The following RORA variants were observed in gnomAD, a reference collection of about 807,000 sequenced individuals.
The protein encoded by RORA is nuclear receptor ROR-alpha.
A neutral mutation model predicts 69.5 loss-of-function variants in RORA; 7 were observed. The ratio of observed to expected loss-of-function variants is 0.10; its 90% CI spans 0.06 to 0.19. The LOEUF is 0.19. RORA is among the 10% of genes least tolerant of loss of function. The pLI, the probability that RORA is intolerant of heterozygous loss-of-function variation, is 1.00. For missense variants in RORA, 457 were observed against 663.0 expected (o/e 0.69, Z 3.41); for synonymous variants, 261 against 240.8 (o/e 1.08, Z -0.78).
intron 2 of RORA, among the ~76,000 whole-genome samples, chr15:60,554,480 C>T (rs1008705664): frequency 2.6e-5 from 4 of 152,070 alleles, no homozygotes; most frequent in Non-Finnish European, 5.9e-5. Flanking sequence ...TCTTTAATAA[C>T]CAAGGCACCA....
intron 1 of RORA, among the ~76,000 whole-genome samples, chr15:60,707,791 T>C (rs978357755): frequency 6.6e-6 from 1 of 152,172 alleles, no homozygotes; most frequent in African/African-American, 2.4e-5. Context: ...GAAGTTCCCA[T>C]TTGTGTCCAG....
rs554039924 is a variant in RORA at position 60,648,921 on chromosome 15, A to G, written c.196+29736T>C. ...CACTTAAACTGCTACTTAACCATCC[A>G]CATATTAAAGGAGTTTACATGGATT... On this transcript the variant is annotated intron_variant, in intron 2 of 10. Coordinates refer to ENST00000335670, the MANE Select transcript of RORA (RefSeq NM_134261.3). Among the ~76,000 whole-genome samples, 39 of 152,310 alleles carry G rather than the reference A, an allele frequency of 2.6e-4. 1 individual carries two copies. The South Asian group carries it at 8.1e-3, about 32-fold the overall frequency.
At chr15:60,622,746 C>T (rs183357650) in intron 2 of RORA, among the ~76,000 whole-genome samples, 3 of 152,212 alleles carry the variant, frequency 2.0e-5, no homozygotes, top group East Asian at 3.9e-4. Flanking sequence ...GGTGCAGTCT[C>T]GCTGTGTCAC....
At chr15:61,099,369 C>T (rs903708631) in intron 1 of RORA, among the ~76,000 whole-genome samples, 1 of 152,174 alleles carries the variant, frequency 6.6e-6, no homozygotes. Flanking sequence ...TAATTATCTC[C>T]TAAAGGACAG....
intron 1 of RORA, among the ~76,000 whole-genome samples, chr15:60,706,730 A>G (rs980754018): frequency 1.3e-5 from 2 of 152,330 alleles, no homozygotes; most frequent in Admixed American, 1.3e-4. Context: ...ATGAACAGGA[A>G]GAGAGTGCTT....
chr15:61,074,700 A>G (rs566028505), intron 1 of RORA, among the ~76,000 whole-genome samples: 33 of 152,328 alleles, frequency 2.2e-4, no homozygotes, highest in African/African-American at 6.5e-4. Flanking sequence ...AATATTTCTC[A>G]ATGTTCTAGC....
chr15:60,659,633 T>A (rs1284173630), intron 2 of RORA, among the ~76,000 whole-genome samples: 1 of 152,228 alleles, frequency 6.6e-6, no homozygotes, highest in Non-Finnish European at 1.5e-5. Context: ...GAACTTGATA[T>A]GCTTCATCCT....
chr15:61,198,581 T>C (rs1445925659), intron 1 of RORA, among the ~76,000 whole-genome samples: 1 of 151,126 alleles, frequency 6.6e-6, no homozygotes, highest in African/African-American at 2.4e-5. Context: ...TGGAAAGAAG[T>C]ATTACCCAAA....
At chr15:60,944,635 G>A (rs1484322308) in intron 1 of RORA, among the ~76,000 whole-genome samples, 1 of 149,578 alleles carries the variant, frequency 6.7e-6, no homozygotes, top group Non-Finnish European at 1.5e-5. Flanking sequence ...TGAGGTGAGA[G>A]GACTGCTTGA....
intron 1 of RORA, among the ~76,000 whole-genome samples, chr15:60,995,435 T>A (rs192771242): frequency 1.3e-5 from 2 of 152,306 alleles, no homozygotes; most frequent in East Asian, 1.9e-4. Flanking sequence ...TGGCTCCACA[T>A]TCTGATAGGC....
At chr15:60,786,162 A>G (rs1180872635) in intron 1 of RORA, among the ~76,000 whole-genome samples, 3 of 152,198 alleles carry the variant, frequency 2.0e-5, no homozygotes, top group African/African-American at 4.8e-5. Context: ...CGACATCACT[A>G]CGGTTGAGAG....
At chr15:60,756,531 A>C (rs985017333) in intron 1 of RORA, among the ~76,000 whole-genome samples, 2 of 152,202 alleles carry the variant, frequency 1.3e-5, no homozygotes, top group African/African-American at 2.4e-5. Flanking sequence ...ATAACCCATT[A>C]AGATCTCTCC....
At chr15:60,641,016 G>A (rs1027303560) in intron 2 of RORA, among the ~76,000 whole-genome samples, 11 of 152,164 alleles carry the variant, frequency 7.2e-5, no homozygotes, top group Non-Finnish European at 1.5e-4. Context: ...TCAGTGGCGT[G>A]ATCTCAGCTC....
At chr15:60,898,404 C>T (rs977884874) in intron 1 of RORA, among the ~76,000 whole-genome samples, 1 of 151,812 alleles carries the variant, frequency 6.6e-6, no homozygotes, top group African/African-American at 2.4e-5. Flanking sequence ...GAGCTGGCCC[C>T]GGTGGCTCAC....
chr15:60,677,719 C>A (rs1279342945), intron 2 of RORA, among the ~76,000 whole-genome samples: 1 of 151,882 alleles, frequency 6.6e-6, no homozygotes, highest in Non-Finnish European at 1.5e-5. Flanking sequence ...AAACGTTTCA[C>A]ATGAAATAAA....
At chr15:60,633,596 C>T (rs1012387921) in intron 2 of RORA, among the ~76,000 whole-genome samples, 3 of 152,210 alleles carry the variant, frequency 2.0e-5, no homozygotes, top group African/African-American at 7.2e-5. Context: ...TTCCTGAGAG[C>T]TGGCAGAATG....
intron 2 of RORA, among the ~76,000 whole-genome samples, chr15:60,613,413 G>A (rs1000966556): frequency 6.6e-6 from 1 of 152,120 alleles, no homozygotes; most frequent in African/African-American, 2.4e-5. Context: ...ATTAAAAAGA[G>A]CTCTGGAGTC....
intron 1 of RORA, among the ~76,000 whole-genome samples, chr15:60,935,069 C>T (rs1328683422): frequency 2.0e-5 from 3 of 152,230 alleles, no homozygotes; most frequent in Non-Finnish European, 4.4e-5. Context: ...ATGAATCCCA[C>T]AGGGGGCCCT....
chr15:60,753,280 A>G (rs1241821262), intron 1 of RORA, among the ~76,000 whole-genome samples: 3 of 152,234 alleles, frequency 2.0e-5, no homozygotes, highest in Non-Finnish European at 2.9e-5. Context: ...AAGATAGCAG[A>G]TATTACCGTC....
Sources: allele counts gnomAD v4.1 joint callset (sites outside exome capture counted in the v4.1 genomes callset), GRCh38; gene constraint gnomAD v4.1.1; transcripts MANE v1.5; gene names NCBI Gene and HGNC (gene_info 2026-07-23, HGNC 2026-07-21).